The following UGGT2 variants were observed in gnomAD, a reference collection of about 807,000 sequenced individuals.
The protein encoded by UGGT2 is UDP-glucose:glycoprotein glucosyltransferase 2.
A neutral mutation model predicts 192.1 loss-of-function variants in UGGT2; 180 were observed. That is an observed-to-expected ratio of 0.94 (90% CI 0.83 to 1.06). The LOEUF (loss-of-function observed/expected upper bound fraction) is 1.06, where lower values mean the gene tolerates loss of function less well. UGGT2 is among the 50% of genes least tolerant of loss of function. The pLI, the probability that UGGT2 is intolerant of heterozygous loss-of-function variation, is 0.00. For synonymous variants in UGGT2, 580 were observed against 591.0 expected, an observed-to-expected ratio of 0.98 and a Z score of 0.27; for missense variants, 1,849 against 1,795.7, an observed-to-expected ratio of 1.03 and a Z score of -0.54.
chr13:96,053,196 C>CA lies in UGGT2; in HGVS notation c.116dup (p.Leu39PhefsTer16), dbSNP rs1395521970. 11 of 1,526,906 alleles carry CA rather than the reference C, an allele frequency of 7.2e-6. No homozygotes were observed. The highest frequency in any genetic ancestry group is 9.6e-6 in the Non-Finnish European group (11 of 1,143,548). The allele number at this position is 1,526,906 out of a possible 1,614,324, so 94.6% of individuals were successfully genotyped here. On this transcript the variant is annotated frameshift_variant, in exon 1 of 39. Coordinates refer to ENST00000376747, the MANE Select transcript of UGGT2 (RefSeq NM_020121.4). LOFTEE classifies it high-confidence loss of function. ...GCGGGGTCTCGGGCCACTTCGCGGC[C>CA]AAGTGGGCAGTCACCGACTTGGACG...
chr13:95,899,368 A>G (rs2048037999), intron 22 of UGGT2, among the ~76,000 whole-genome samples: 1 of 152,204 alleles, frequency 6.6e-6, no homozygotes, highest in Admixed American at 6.5e-5. Context: ...TATTAGCCCC[A>G]TGAAAACGTA....
At chr13:95,926,701 G>A (rs1270945670) in intron 19 of UGGT2, among the ~76,000 whole-genome samples, 1 of 151,996 alleles carries the variant, frequency 6.6e-6, no homozygotes, top group Non-Finnish European at 1.5e-5. Flanking sequence ...GAATGCAGAA[G>A]AATTATTATC....
intron 17 of UGGT2, among the ~76,000 whole-genome samples, chr13:95,928,263 T>C (rs1222842076): frequency 3.5e-5 from 5 of 143,414 alleles, no homozygotes; most frequent in East Asian, 2.2e-4. Context: ...GGCTGCCCCC[T>C]ACCTCCTGGA....
At chr13:96,010,881 A>G (rs549963887) in intron 5 of UGGT2, among the ~76,000 whole-genome samples, 3 of 152,340 alleles carry the variant, frequency 2.0e-5, no homozygotes, top group African/African-American at 7.2e-5. Context: ...CTATCAAGGT[A>G]AAGTAATCAA....
At chr13:95,853,274 G>T (rs984193167) in intron 36 of UGGT2, among the ~76,000 whole-genome samples, 1 of 152,030 alleles carries the variant, frequency 6.6e-6, no homozygotes, top group Non-Finnish European at 1.5e-5. Context: ...CAGTGAGAAC[G>T]GACTAATACA....
At chr13:95,965,910 T>C (rs1244777294) in intron 12 of UGGT2, among the ~76,000 whole-genome samples, 1 of 152,042 alleles carries the variant, frequency 6.6e-6, no homozygotes, top group Non-Finnish European at 1.5e-5. Context: ...TTGGTGAGGA[T>C]GTGGAAAAAA....
chr13:95,926,539 G>C (rs943410806), intron 19 of UGGT2, among the ~76,000 whole-genome samples: 1 of 152,128 alleles, frequency 6.6e-6, no homozygotes, highest in Non-Finnish European at 1.5e-5. Context: ...TCATCTATCT[G>C]AATAGTTAAT....
Position 96,023,772 on chromosome 13 carries a change from G to A in UGGT2, c.242-13C>T. ...GAATAATCTGATTCTATAAAAAGAA[G>A]TCAAAAGAAAATAAATGTTAGCATT... On this transcript the variant is annotated splice_polypyrimidine_tract_variant and intron_variant, in intron 2 of 38. Coordinates refer to ENST00000376747, the MANE Select transcript of UGGT2 (RefSeq NM_020121.4). The A allele has an allele frequency of 6.3e-7, 1 of 1,574,946 alleles. No homozygotes were observed. Among genetic ancestry groups the A allele is most frequent in the Non-Finnish European group, 8.7e-7 (1 of 1,154,526 alleles).
Position 95,877,331 on chromosome 13 carries a change from A to C in UGGT2, c.3421T>G (p.Trp1141Gly). 13 of 1,608,664 alleles carry C rather than the reference A, an allele frequency of 8.1e-6. No individual in the cohort carries two copies. The highest frequency in any genetic ancestry group is 1.1e-5 in the Non-Finnish European group (13 of 1,178,184). The change falls in exon 29 of 39, where the codon TGG becomes GGG. Residue 1141 changes from tryptophan (W) to glycine (G), a missense_variant. Coordinates refer to ENST00000376747, the MANE Select transcript of UGGT2 (RefSeq NM_020121.4). ...TTTCCTTGGTGTAACCTCAGTATCCAAGCACCTGGGTTTGCTTTTAATTGA... is the reference window on the plus strand; with the variant it reads ...TTTCCTTGGTGTAACCTCAGTATCCCAGCACCTGGGTTTGCTTTTAATTGA... Reference protein sequence around the residue: ...YFQLKANPGAWILRLHQGKSE... With the variant: ...YFQLKANPGAGILRLHQGKSE...
At chr13:96,008,652 A>C (rs1314080053) in intron 5 of UGGT2, among the ~76,000 whole-genome samples, 1 of 152,178 alleles carries the variant, frequency 6.6e-6, no homozygotes. Context: ...ATAAAATACT[A>C]ATGACCACAA....
intron 27 of UGGT2, among the ~76,000 whole-genome samples, chr13:95,884,151 A>G (rs545992760): frequency 7.2e-5 from 11 of 152,112 alleles, no homozygotes; most frequent in African/African-American, 2.6e-4. Flanking sequence ...GAAGAGCAAA[A>G]TAAGTACTTA....
chr13:95,943,931 T>C (rs1163227184), intron 15 of UGGT2, among the ~76,000 whole-genome samples: 2 of 152,032 alleles, frequency 1.3e-5, no homozygotes, highest in Admixed American at 6.6e-5. Flanking sequence ...CCTTACATAA[T>C]AGTTCGCTAA....
chr13:96,000,947 G>C, intron 5 of UGGT2, among the ~76,000 whole-genome samples: 1 of 152,006 alleles, frequency 6.6e-6, no homozygotes, highest in East Asian at 1.9e-4. Flanking sequence ...ATTTTTATTA[G>C]AATTACATGT....
intron 25 of UGGT2, among the ~76,000 whole-genome samples, chr13:95,889,236 C>T (rs998471454): frequency 3.3e-5 from 5 of 152,070 alleles, no homozygotes; most frequent in Non-Finnish European, 7.3e-5. Context: ...AAAGAATAAT[C>T]TGAATAGTGT....
chr13:96,040,184 A>G (rs1042611384), intron 1 of UGGT2, among the ~76,000 whole-genome samples: 1 of 152,190 alleles, frequency 6.6e-6, no homozygotes, highest in Non-Finnish European at 1.5e-5. Context: ...CTGTTTAACA[A>G]ATTATGAAAA....
intron 27 of UGGT2, among the ~76,000 whole-genome samples, chr13:95,878,894 T>C (rs1488576571): frequency 6.6e-6 from 1 of 152,194 alleles, no homozygotes; most frequent in Non-Finnish European, 1.5e-5. Flanking sequence ...AAGTAACTTC[T>C]TTGAAGACAG....
intron 17 of UGGT2, among the ~76,000 whole-genome samples, chr13:95,931,788 CGCGGA>C (rs935536483): frequency 1.3e-5 from 2 of 152,132 alleles, no homozygotes; most frequent in Non-Finnish European, 2.9e-5. Flanking sequence ...ATGAACGTGG[CGCGGA>C]GCCCTGGTTC....
At chr13:95,964,877 T>G (rs569203099) in intron 12 of UGGT2, among the ~76,000 whole-genome samples, 1 of 151,862 alleles carries the variant, frequency 6.6e-6, no homozygotes, top group Non-Finnish European at 1.5e-5. Context: ...GAATCTACAA[T>G]GAACTCAAAC....
At chr13:95,873,550 C>A (rs1443099441) in intron 29 of UGGT2, among the ~76,000 whole-genome samples, 1 of 152,184 alleles carries the variant, frequency 6.6e-6, no homozygotes, top group Non-Finnish European at 1.5e-5. Flanking sequence ...CCAAAAGTGA[C>A]CCATGCTCTA....
Sources: allele counts gnomAD v4.1 joint callset (sites outside exome capture counted in the v4.1 genomes callset), GRCh38; gene constraint gnomAD v4.1.1; transcripts MANE v1.5; gene names NCBI Gene and HGNC (gene_info 2026-07-23, HGNC 2026-07-21).